The following UBXN8 variants were observed in gnomAD, a reference collection of about 807,000 sequenced individuals.
UBXN8 encodes the protein UBX domain protein 8.
UBXN8 carries 27 observed loss-of-function variants against 32.1 expected under a neutral mutation model. That is an observed-to-expected ratio of 0.84 (90% CI 0.62 to 1.16). The LOEUF (loss-of-function observed/expected upper bound fraction) is 1.16, where lower values mean the gene tolerates loss of function less well. Among genes scored for constraint, UBXN8 ranks in the 50% most tolerant of loss-of-function variants. UBXN8 has a pLI of 0.00. For missense variants in UBXN8, 306 were observed against 311.4 expected (o/e 0.98, Z 0.13); for synonymous variants, 109 against 111.8 (o/e 0.98, Z 0.16).
chr8:30,761,685 C>A (rs570129295), intron 6 of UBXN8, among the ~76,000 whole-genome samples: 40 of 149,278 alleles, frequency 2.7e-4, no homozygotes, highest in African/African-American at 8.9e-4. Flanking sequence ...CCAGCCTGGG[C>A]AACATAGTGA....
chr8:30,731,583 C>A (rs1018700344), upstream of UBXN8, among the ~76,000 whole-genome samples: 1 of 152,040 alleles, frequency 6.6e-6, no homozygotes, highest in Admixed American at 6.5e-5. Flanking sequence ...ATGACCCTTA[C>A]GGTCCCCCGA....
intron 2 of UBXN8, among the ~76,000 whole-genome samples, chr8:30,751,928 T>G (rs894308789): frequency 1.4e-5 from 2 of 148,088 alleles, no homozygotes; most frequent in Non-Finnish European, 3.0e-5. Context: ...GGAGTCTCAC[T>G]CTGTCACCAG....
At chr8:30,741,411 C>A (rs961958255), upstream of UBXN8, among the ~76,000 whole-genome samples, 1 of 151,150 alleles carries the variant, frequency 6.6e-6, no homozygotes, top group African/African-American at 2.4e-5. Context: ...TCACCCTTGA[C>A]GTCCCCTCTG....
chr8:30,763,434 C>T, intron 7 of UBXN8, 87 bp downstream of exon 7: 1 of 1,286,714 alleles, frequency 7.8e-7, no homozygotes, highest in Non-Finnish European at 1.1e-6. Flanking sequence ...GGTGTGATCA[C>T]ACTGTCATCT....
chr8:30,765,123 G>A (rs1218791970), intron 7 of UBXN8, among the ~76,000 whole-genome samples: 1 of 151,864 alleles, frequency 6.6e-6, no homozygotes, highest in Non-Finnish European at 1.5e-5. Context: ...ATGCTGACCA[G>A]GCCAATCTTG....
chr8:30,753,153 C>A, intron 3 of UBXN8, 48 bp downstream of exon 3: 1 of 1,431,960 alleles, frequency 7.0e-7, no homozygotes, highest in South Asian at 1.6e-5. Flanking sequence ...ATACAAAAAT[C>A]TCTGAGGCAA....
chr8:30,761,705 G>A (rs758443080), intron 6 of UBXN8, among the ~76,000 whole-genome samples: 6 of 151,202 alleles, frequency 4.0e-5, no homozygotes, highest in East Asian at 1.9e-4. Context: ...AGACGCTGTC[G>A]CTACAAAAAG....
At chr8:30,734,621 TAAAA>T (rs879502378) in intron 1 of UBXN8, among the ~76,000 whole-genome samples, 1 of 145,390 alleles carries the variant, frequency 6.9e-6, no homozygotes, top group Non-Finnish European at 1.5e-5. Context: ...CACTATCTCT[TAAAA>T]AAAAAAAAAA....
chr8:30,746,016 G>A (rs902265305), intron 1 of UBXN8, among the ~76,000 whole-genome samples: 5 of 152,232 alleles, frequency 3.3e-5, no homozygotes, highest in African/African-American at 1.2e-4. Flanking sequence ...CACCCAGAGT[G>A]CTGGGATTAT....
chr8:30,738,568 G>A (rs1305135645), intron 1 of UBXN8, among the ~76,000 whole-genome samples: 65 of 151,384 alleles, frequency 4.3e-4, no homozygotes, highest in Admixed American at 4.3e-3. Context: ...GGCTAAGGCA[G>A]GAGAATGGCC....
Position 30,766,269 on chromosome 8 carries a change from C to G in UBXN8, c.688C>G (p.Leu230Val), listed in dbSNP as rs978331141. 2.5e-6 allele frequency: 4 copies of G among 1,613,642 alleles called. No individual in the cohort carries two copies. The highest frequency in any genetic ancestry group is 3.4e-6 in the Non-Finnish European group (4 of 1,179,782). The change falls in exon 8 of 8, where the codon CTA (leucine) becomes GTA (valine). Residue 230 changes from leucine to valine, a missense_variant. Transcript: ENST00000265616. Reference sequence around the variant, plus strand: ...GACGAGAATTGGGTACCACATATCTCTATACAGCCTTTCTACTTCCTTTCC... The same window carrying G: ...GACGAGAATTGGGTACCACATATCTGTATACAGCCTTTCTACTTCCTTTCC... ...WMTRIGYHISLYSLSTSFPRR... is the reference protein window; with the variant it reads ...WMTRIGYHISVYSLSTSFPRR...
At chr8:30,766,166 C>CTAAAGGGACATGGTG in intron 7 of UBXN8, 61 bp from the exon 8 acceptor site, 1 of 1,510,302 alleles carries the variant, frequency 6.6e-7, no homozygotes, top group South Asian at 1.3e-5. Flanking sequence ...TTATGGTGGT[C>CTAAAGGGACATGGTG]TAAAGGGACA....
upstream of UBXN8, among the ~76,000 whole-genome samples, chr8:30,740,640 G>A (rs1458782384): frequency 2.0e-5 from 3 of 151,610 alleles, no homozygotes; most frequent in Non-Finnish European, 2.9e-5. Flanking sequence ...TGAGATGATC[G>A]CTTGAGCCCA....
intron 6 of UBXN8, among the ~76,000 whole-genome samples, chr8:30,761,287 C>T (rs1442808652): frequency 6.6e-6 from 1 of 151,978 alleles, no homozygotes; most frequent in East Asian, 1.9e-4. Flanking sequence ...TCTTGTCACC[C>T]AGGCTAGAGT....
upstream of UBXN8, among the ~76,000 whole-genome samples, chr8:30,729,201 G>A (rs1267982730): frequency 1.3e-5 from 2 of 152,174 alleles, no homozygotes; most frequent in South Asian, 4.1e-4. Context: ...TGAGCGACGC[G>A]GATCCTGCGA....
upstream of UBXN8, among the ~76,000 whole-genome samples, chr8:30,741,752 A>C (rs1805208572): frequency 6.6e-6 from 1 of 152,060 alleles, no homozygotes; most frequent in Admixed American, 6.6e-5. Flanking sequence ...GCCCGGCCAC[A>C]ATGTTCTTTT....
intron 1 of UBXN8, among the ~76,000 whole-genome samples, chr8:30,737,518 C>T (rs1281000340): frequency 3.3e-5 from 5 of 152,160 alleles, no homozygotes; most frequent in Non-Finnish European, 5.9e-5. Context: ...ATATCTCCAG[C>T]ATCTGTAACA....
intron 5 of UBXN8, among the ~76,000 whole-genome samples, chr8:30,759,103 C>T (rs1805756495): frequency 6.6e-6 from 1 of 151,514 alleles, no homozygotes; most frequent in Non-Finnish European, 1.5e-5. Context: ...TCGTGTTGGC[C>T]AGGATGGTCT....
chr8:30,739,887 G>T (rs1344920924), upstream of UBXN8, among the ~76,000 whole-genome samples: 3 of 150,268 alleles, frequency 2.0e-5, no homozygotes, highest in Admixed American at 2.0e-4. Flanking sequence ...AGCAATGCTT[G>T]CTCTCTGTGC....
Sources: gnomAD v4.1 joint callset for allele counts (sites outside exome capture counted in the v4.1 genomes callset) on GRCh38, gnomAD v4.1.1 for gene constraint, MANE v1.5 for transcripts, NCBI Gene and HGNC (gene_info 2026-07-23, HGNC 2026-07-21) for gene names.